The following DST variants were observed in gnomAD, a reference collection of about 807,000 sequenced individuals.
DST encodes bullous pemphigoid antigen.
In DST, 253 loss-of-function variants were observed where a neutral mutation model predicts 875.2. That is an observed-to-expected ratio of 0.29 (90% confidence interval 0.26 to 0.32). The LOEUF (loss-of-function observed/expected upper bound fraction) is 0.32. Ranked by LOEUF, DST falls within the 10% of genes least tolerant of loss-of-function variation. DST has a pLI of 1.00. For missense variants in DST, 8,287 were observed against 9,111.6 expected (o/e 0.91, Z 3.68); for synonymous variants, 3,124 against 3,197.1 (o/e 0.98, Z 0.77).
At chr6:56,617,077 G>A in intron 36 of DST, 1 of 1,613,908 alleles carries the variant, frequency 6.2e-7, no homozygotes, top group Non-Finnish European at 8.5e-7. Flanking sequence ...TCAGAAACTT[G>A]TTAAGAGTTT....
chr6:56,651,200 A>C lies in DST; in HGVS notation c.1259T>G (p.Leu420Arg), dbSNP rs779175209. 2.5e-6 allele frequency: 4 copies of C among 1,611,844 alleles called. No homozygotes were observed. The highest frequency in any genetic ancestry group is 3.4e-6 in the Non-Finnish European group (4 of 1,178,910). Residue 420 changes from leucine to arginine, a missense_variant, in exon 11 of 104, where the codon CTT becomes CGT. This residue lies in a region of DST where 1,160 missense variants were observed against 1,424.3 expected (regional missense o/e 0.81). Coordinates refer to ENST00000680361, the MANE Select transcript of DST (RefSeq NM_001374736.1). ...GTAAAAAGCATGCTCTAAATTTGCAAGGTTGCTTTGAACAGCAACAGTATT... is the reference window on the plus strand; with the variant it reads ...GTAAAAAGCATGCTCTAAATTTGCACGGTTGCTTTGAACAGCAACAGTATT... ...DMNTVAVQSN[L>R]ANLEHAFYVA...
rs1422175979 is a variant in DST at position 56,602,680 on chromosome 6, G to T, written c.11307+202C>A. ...GTCAGTGGTGTAAGAGTATGATAAG[G>T]CTTTTGGGATAGCATCAGAATGATA... On this transcript the variant is annotated intron_variant, in intron 43 of 103. Coordinates refer to ENST00000680361, the MANE Select transcript of DST (RefSeq NM_001374736.1). 3.3e-5 allele frequency among the ~76,000 whole-genome samples: 5 copies of T among 151,888 alleles called. No homozygotes were observed. The East Asian group carries it at 9.7e-4, about 29-fold the overall frequency.
chr6:56,857,930 A>C (rs1768815789), intron 3 of DST, among the ~76,000 whole-genome samples: 1 of 152,248 alleles, frequency 6.6e-6, no homozygotes, highest in East Asian at 1.9e-4. Context: ...AACTCCTTGA[A>C]GAAAAAATGA....
chr6:56,837,534 T>G (rs73457723), intron 4 of DST, among the ~76,000 whole-genome samples: 145 of 152,248 alleles, frequency 9.5e-4, no homozygotes, highest in African/African-American at 3.4e-3. Context: ...TCTAACTTCC[T>G]GCTGGGGATC....
At chr6:56,726,196 G>C (rs1400336256) in intron 5 of DST, among the ~76,000 whole-genome samples, 1 of 151,986 alleles carries the variant, frequency 6.6e-6, no homozygotes, top group Non-Finnish European at 1.5e-5. Flanking sequence ...TCCTCAGCAA[G>C]TCCAATTCCT....
chr6:56,822,021 C>A (rs999072814), intron 4 of DST, among the ~76,000 whole-genome samples: 1 of 152,046 alleles, frequency 6.6e-6, no homozygotes, highest in African/African-American at 2.4e-5. Context: ...AAAGACTTTG[C>A]GGATTATAAG....
intron 45 of DST, among the ~76,000 whole-genome samples, chr6:56,599,346 T>A (rs1446611884): frequency 6.6e-6 from 1 of 152,100 alleles, no homozygotes; most frequent in Non-Finnish European, 1.5e-5. Context: ...ATTTTTTCCA[T>A]ACTTTATTTT....
chr6:56,804,613 C>T (rs2153026768), intron 4 of DST, among the ~76,000 whole-genome samples: 1 of 152,240 alleles, frequency 6.6e-6, no homozygotes, highest in East Asian at 1.9e-4. Flanking sequence ...AGAGACAATG[C>T]TCTAACGACC....
rs1245175775 is a variant in DST, at chr6:56,705,648, C to T, written c.688-1279G>A. Reference sequence around the variant, plus strand: ...CCTTAGGAATTTCTTATCAAATTTACCAGCTTTTACATCCAGTGTTCTGGC... The same window carrying T: ...CCTTAGGAATTTCTTATCAAATTTATCAGCTTTTACATCCAGTGTTCTGGC... On this transcript the variant is annotated intron_variant, in intron 5 of 103. Transcript: ENST00000680361. Among the ~76,000 whole-genome samples, 3 of 152,298 alleles carry T rather than the reference C, an allele frequency of 2.0e-5. No individual in the cohort carries two copies. The East Asian group carries it at 5.8e-4, about 29-fold the overall frequency.
At position 56,840,088 on chromosome 6, in the gene DST, A is replaced by G. The variant is rs557381257; in HGVS notation, c.625+11309T>C. ...TAAAATTACATCTATAAGGTATAGA[A>G]TGAAATGTATTGAATTCACATTATC... On this transcript the variant is annotated intron_variant, in intron 4 of 103. Coordinates refer to ENST00000680361, the MANE Select transcript of DST (RefSeq NM_001374736.1). 5.3e-5 allele frequency among the ~76,000 whole-genome samples: 8 copies of G among 152,356 alleles called. No homozygotes were observed. In the South Asian group the frequency reaches 1.4e-3, roughly 28 times the overall value.
At chr6:56,641,499 A>G (rs1263781033) in intron 17 of DST, among the ~76,000 whole-genome samples, 1 of 152,064 alleles carries the variant, frequency 6.6e-6, no homozygotes, top group Non-Finnish European at 1.5e-5. Context: ...GAGACATGAG[A>G]ATCGCCTGAA....
intron 5 of DST, among the ~76,000 whole-genome samples, chr6:56,717,100 G>A (rs1380350725): frequency 1.3e-5 from 2 of 151,972 alleles, no homozygotes; most frequent in Non-Finnish European, 2.9e-5. Flanking sequence ...GAAGAATGGC[G>A]TGAACCCGGT....
In DST at chr6:56,852,086, C is replaced by T. The variant is rs779892134; in HGVS notation, c.418-482G>A. On this transcript the variant is annotated intron_variant, in intron 3 of 103. Transcript: ENST00000680361. Reference sequence around the variant, plus strand: ...AGGATGTTGAGTCCCAACTCCTTTCCGCTTCAAGTCACCTCACCACTGGAG... The same window carrying T: ...AGGATGTTGAGTCCCAACTCCTTTCTGCTTCAAGTCACCTCACCACTGGAG... The T allele has an allele frequency of 1.2e-5, 17 of 1,368,100 alleles. No individual in the cohort carries two copies. In the South Asian group the frequency reaches 1.8e-4, roughly 15 times the overall value. The allele number at this position is 1,368,100 out of a possible 1,614,324, so 84.7% of individuals were successfully genotyped here.
At chr6:56,541,916 A>T (rs2097133258) in intron 61 of DST, among the ~76,000 whole-genome samples, 1 of 152,218 alleles carries the variant, frequency 6.6e-6, no homozygotes, top group Non-Finnish European at 1.5e-5. Flanking sequence ...CACACTTAAC[A>T]GTGGCTCAAA....
Position 56,604,886 on chromosome 6 carries a change from A to G in DST, c.9742T>C (p.Cys3248Arg). The stretch of plus-strand genomic sequence containing the variant: ...CCTCCTGAGATGCTTTCTTTACTAC[A>G]AAGATCATTGCTTTGGATCATGTCA... ...LNDMIQSNDL[C>R]SKESISGGGT... The change falls in exon 40 of 104, where the codon TGT becomes CGT. Residue 3248 changes from cysteine (C) to arginine (R), a missense_variant. Transcript: ENST00000680361. The G allele has an allele frequency of 6.2e-7, 1 of 1,612,708 alleles. No homozygotes were observed. Among genetic ancestry groups the G allele is most frequent in the Non-Finnish European group, 8.5e-7 (1 of 1,179,290 alleles).
At position 56,714,590 on chromosome 6, in the gene DST, G is replaced by C. The variant is rs1208637692; in HGVS notation, c.688-10221C>G. Among the ~76,000 whole-genome samples the C allele has an allele frequency of 1.3e-5, 2 of 152,178 alleles. No homozygotes were observed. The highest frequency in any genetic ancestry group is 2.9e-5 in the Non-Finnish European group (2 of 68,042). On this transcript the variant is annotated intron_variant, in intron 5 of 103. Coordinates refer to ENST00000680361, the MANE Select transcript of DST (RefSeq NM_001374736.1). This position sits in a 1 kb window ranked among gnomAD's most constrained non-coding sequence, Gnocchi z 4.5. ...GACAAGTTTCACCAAGAGCAGGCTA[G>C]AGCCAGGTAACACCTAGCAAATCAG...
intron 3 of DST, among the ~76,000 whole-genome samples, chr6:56,890,445 A>G (rs967647182): frequency 6.6e-6 from 1 of 152,174 alleles, no homozygotes; most frequent in African/African-American, 2.4e-5. Flanking sequence ...CAAGATGGTA[A>G]AAAAAATTCC....
chr6:56,591,945 G>A (rs929005302), intron 49 of DST, among the ~76,000 whole-genome samples: 4 of 126,280 alleles, frequency 3.2e-5, no homozygotes, highest in Non-Finnish European at 6.2e-5. Flanking sequence ...TCACACTACT[G>A]CACTCCAGCC....
chr6:56,594,314 A>C (rs2098334643), intron 47 of DST, 121 bp from the exon 48 acceptor site: 2 of 744,580 alleles, frequency 2.7e-6, no homozygotes, highest in Non-Finnish European at 4.2e-6. Context: ...CTTGCTTCTC[A>C]TTCCCCTTTT....
Sources: gnomAD v4.1 joint callset for allele counts (sites outside exome capture counted in the v4.1 genomes callset) on GRCh38, gnomAD v4.1.1 for gene constraint, gnomAD v4.1.1 regional missense constraint, Gnocchi (gnomAD v3.1) non-coding constraint, MANE v1.5 for transcripts, NCBI Gene and HGNC (gene_info 2026-07-23, HGNC 2026-07-21) for gene names.